The following MACROD2 variants were observed in gnomAD, a reference collection of about 807,000 sequenced individuals.
MACROD2 encodes mono-ADP ribosylhydrolase 2, also known as ADP-ribose glycohydrolase MACROD2.
In MACROD2, 36 loss-of-function variants were observed where a neutral mutation model predicts 70.4. That is an observed-to-expected ratio of 0.51 (90% CI 0.39 to 0.68). The LOEUF is 0.68. Among genes scored for constraint, MACROD2 ranks in the 30% least tolerant of loss-of-function variants. The pLI, the probability that MACROD2 is intolerant of heterozygous loss-of-function variation, is 0.00. For synonymous variants in MACROD2, 172 were observed against 178.8 expected (o/e 0.96, Z 0.30); for missense variants, 496 against 538.4 (o/e 0.92, Z 0.78).
chr20:14,848,503 G>T (rs1388068282), intron 5 of MACROD2, among the ~76,000 whole-genome samples: 2 of 151,912 alleles, frequency 1.3e-5, no homozygotes, highest in East Asian at 3.9e-4. Context: ...TCTGGAGATA[G>T]TAATTTTTAA....
intron 5 of MACROD2, among the ~76,000 whole-genome samples, chr20:14,864,886 A>G (rs574643794): frequency 1.1e-4 from 17 of 152,250 alleles, no homozygotes; most frequent in Non-Finnish European, 2.4e-4. Context: ...TTAAATCACA[A>G]GGGCTTAGGG....
chr20:14,645,872 A>C (rs895081052), intron 4 of MACROD2, among the ~76,000 whole-genome samples: 2 of 152,002 alleles, frequency 1.3e-5, no homozygotes, highest in Non-Finnish European at 2.9e-5. Flanking sequence ...GCAGATAAAA[A>C]ACTCCATTTA....
intron 8 of MACROD2, among the ~76,000 whole-genome samples, chr20:15,677,701 AAC>A (rs2050083388): frequency 1.5e-4 from 1 of 6,890 alleles, no homozygotes; most frequent in South Asian, 1.4e-3. Context: ...CCAACCAACC[AAC>A]CAAATACATC....
At chr20:15,787,307 T>G (rs1465964737) in intron 8 of MACROD2, among the ~76,000 whole-genome samples, 1 of 152,198 alleles carries the variant, frequency 6.6e-6, no homozygotes, top group Admixed American at 6.5e-5. Flanking sequence ...ACTTATTTAT[T>G]TTTTATTTCA....
chr20:14,727,258 C>T (rs1198038864), intron 5 of MACROD2, among the ~76,000 whole-genome samples: 1 of 152,142 alleles, frequency 6.6e-6, no homozygotes, highest in Non-Finnish European at 1.5e-5. Flanking sequence ...GAAATACAGG[C>T]AGTGGCTCAT....
chr20:14,580,948 T>A (rs1325246540), intron 4 of MACROD2, among the ~76,000 whole-genome samples: 5 of 152,190 alleles, frequency 3.3e-5, no homozygotes, highest in Non-Finnish European at 5.9e-5. Context: ...AAGAACACAT[T>A]TGAAAAGCTA....
intron 5 of MACROD2, among the ~76,000 whole-genome samples, chr20:15,222,683 A>G (rs942133629): frequency 2.0e-5 from 3 of 152,184 alleles, no homozygotes; most frequent in Admixed American, 1.3e-4. Flanking sequence ...AATGAAAGCA[A>G]TGTGTAATTG....
At chr20:14,174,124 A>G (rs879621460) in intron 3 of MACROD2, among the ~76,000 whole-genome samples, 1 of 152,048 alleles carries the variant, frequency 6.6e-6, no homozygotes, top group Non-Finnish European at 1.5e-5. Context: ...TGGTGCTCTC[A>G]AGAGTGTATC....
intron 8 of MACROD2, among the ~76,000 whole-genome samples, chr20:15,626,004 A>G (rs967290181): frequency 6.6e-6 from 1 of 151,526 alleles, no homozygotes; most frequent in Non-Finnish European, 1.5e-5. Context: ...TGGGTCAGGC[A>G]TCTGCTCTTG....
At chr20:15,786,701 C>T (rs895953328) in intron 8 of MACROD2, among the ~76,000 whole-genome samples, 8 of 152,058 alleles carry the variant, frequency 5.3e-5, no homozygotes, top group Non-Finnish European at 1.2e-4. Flanking sequence ...GAAGTTCAGC[C>T]AACCAAGAGA....
At chr20:14,034,539 C>T (rs1046150384) in intron 2 of MACROD2, among the ~76,000 whole-genome samples, 5 of 152,168 alleles carry the variant, frequency 3.3e-5, no homozygotes, top group Non-Finnish European at 5.9e-5. Context: ...GTTGAACCAA[C>T]GTTATATTCC....
chr20:15,720,480 G>C (rs993605622), intron 8 of MACROD2, among the ~76,000 whole-genome samples: 6 of 152,070 alleles, frequency 3.9e-5, no homozygotes, highest in Admixed American at 1.3e-4. Flanking sequence ...ATCACAAATT[G>C]CCCTAACCCA....
chr20:14,437,666 G>T (rs377545283), intron 3 of MACROD2, among the ~76,000 whole-genome samples: 3 of 151,980 alleles, frequency 2.0e-5, no homozygotes, highest in Non-Finnish European at 1.5e-5. Context: ...TGTTAATTCT[G>T]TCTTCACTTT....
At chr20:14,627,322 G>A (rs1288374614) in intron 4 of MACROD2, among the ~76,000 whole-genome samples, 1 of 152,112 alleles carries the variant, frequency 6.6e-6, no homozygotes, top group East Asian at 1.9e-4. Context: ...CAAGGCCATG[G>A]TTCCTCCCTG....
intron 3 of MACROD2, among the ~76,000 whole-genome samples, chr20:14,228,929 C>T (rs546596051): frequency 1.3e-5 from 2 of 151,242 alleles, no homozygotes; most frequent in East Asian, 1.9e-4. Flanking sequence ...ATTGCTTGAA[C>T]CTGGGAGGCA....
chr20:14,199,893 G>A (rs2081464805), intron 3 of MACROD2, among the ~76,000 whole-genome samples: 1 of 152,136 alleles, frequency 6.6e-6, no homozygotes, highest in African/African-American at 2.4e-5. Flanking sequence ...ATACATGGTA[G>A]AGGACTGAAT....
intron 5 of MACROD2, among the ~76,000 whole-genome samples, chr20:15,089,583 C>G (rs140772386): frequency 6.6e-6 from 1 of 151,866 alleles, no homozygotes; most frequent in African/African-American, 2.4e-5. Flanking sequence ...TATTTTATGC[C>G]CATGGCCCAA....
At chr20:14,309,820 A>C (rs1042645491) in intron 3 of MACROD2, among the ~76,000 whole-genome samples, 1 of 152,288 alleles carries the variant, frequency 6.6e-6, no homozygotes. Context: ...TTAATAATGA[A>C]CTATGTTGAA....
intron 6 of MACROD2, among the ~76,000 whole-genome samples, chr20:15,309,724 T>C (rs1184955568): frequency 6.6e-6 from 1 of 152,118 alleles, no homozygotes; most frequent in Non-Finnish European, 1.5e-5. Flanking sequence ...TATTATAATA[T>C]TCTATATAGA....
Sources: allele counts gnomAD v4.1 joint callset (sites outside exome capture counted in the v4.1 genomes callset), GRCh38; gene constraint gnomAD v4.1.1; transcripts MANE v1.5; gene names NCBI Gene and HGNC (gene_info 2026-07-23, HGNC 2026-07-21).